The following CHD9 variants were observed in gnomAD, a reference collection of about 807,000 sequenced individuals.
The protein encoded by CHD9 is ATP-dependent chromatin remodeler CHD9.
In CHD9, 77 loss-of-function variants were observed where a neutral mutation model predicts 316.1. The observed-to-expected ratio is 0.24, with a 90% CI of 0.20 to 0.29. CHD9 has a LOEUF of 0.29. CHD9 is among the 10% of genes least tolerant of loss of function. The probability of loss-of-function intolerance (pLI) is 1.00; values close to 1 mark genes in which losing one functional copy is unlikely to be tolerated. For missense variants in CHD9, 2,763 were observed against 3,438.1 expected (o/e 0.80, Z 4.91); for synonymous variants, 1,129 against 1,158.3 (o/e 0.97, Z 0.51).
At chr16:53,099,191 C>CT (rs1281946054) in intron 1 of CHD9, 1 of 152,344 alleles carries the variant, frequency 6.6e-6, no homozygotes, top group African/African-American at 2.4e-5. Context: ...GACAGAGCAG[C>CT]TGCTGTTCCA....
chr16:53,198,315 A>ATTTTTT (rs34946383), intron 2 of CHD9, among the ~76,000 whole-genome samples: 5 of 125,232 alleles, frequency 4.0e-5, no homozygotes, highest in East Asian at 2.4e-4. Flanking sequence ...TAAGCATTCA[A>ATTTTTT]TTTTTTTTTT....
chr16:53,237,837 C>CTG (rs10660103), intron 11 of CHD9, among the ~76,000 whole-genome samples: 45,224 of 151,574 alleles, frequency 0.3, 6,928 homozygotes, highest in African/African-American at 0.35. Flanking sequence ...GCCTGAGTAT[C>CTG]TTTTTTTTCA....
At chr16:53,086,694 C>A (rs2035492425) in intron 1 of CHD9, among the ~76,000 whole-genome samples, 1 of 152,130 alleles carries the variant, frequency 6.6e-6, no homozygotes. Context: ...TTTTATTATT[C>A]ATTATCCTTT....
chr16:53,322,586 C>G (rs1056317137), intron 38 of CHD9, among the ~76,000 whole-genome samples: 17 of 150,154 alleles, frequency 1.1e-4, no homozygotes, highest in African/African-American at 3.4e-4. Flanking sequence ...AGGCAAGACT[C>G]CATCTCAAAA....
At position 53,326,644 on chromosome 16, in the gene CHD9, CAGG is replaced by C. The variant is rs2057552196; in HGVS notation, c.*1752_*1754del. ...AGCAATAGTCTCTATAATGCCCATC[CAGG>C]AGAAGTGGGTAGTAATTCTTCATCA... On this transcript the variant is annotated 3_prime_UTR_variant, in exon 39 of 39. Transcript: ENST00000447540. 1.3e-5 allele frequency: 2 copies of C among 152,374 alleles called. No homozygotes were observed. The highest frequency in any genetic ancestry group is 2.9e-5 in the Non-Finnish European group (2 of 67,896). 9.4% of individuals were successfully genotyped at this position (152,374 alleles called of 1,614,324 possible).
At chr16:53,074,957 G>T (rs1021401826) in intron 1 of CHD9, among the ~76,000 whole-genome samples, 1 of 152,186 alleles carries the variant, frequency 6.6e-6, no homozygotes, top group African/African-American at 2.4e-5. Flanking sequence ...CTTGCATCGT[G>T]TGCCTGGAAA....
Position 53,326,246 on chromosome 16 carries a change from A to G in CHD9, c.*1351A>G, listed in dbSNP as rs1184222397. 6.6e-6 allele frequency: 1 copy of G among 152,502 alleles called. No individual in the cohort carries two copies. Among genetic ancestry groups the G allele is most frequent in the Non-Finnish European group, 1.5e-5 (1 of 67,928 alleles). 9.4% of individuals were successfully genotyped at this position (152,502 alleles called of 1,614,324 possible). A position where few individuals can be genotyped will look rare whatever the true frequency, so the allele number is the denominator to read the frequency against. On this transcript the variant is annotated 3_prime_UTR_variant, in exon 39 of 39. Transcript: ENST00000447540. The stretch of plus-strand genomic sequence containing the variant: ...TTTATATATATTTAAAACAATTAGT[A>G]CTGAATTGGACATAAAAATATTGAC...
chr16:53,193,217 G>A (rs1350783330), intron 2 of CHD9, among the ~76,000 whole-genome samples: 3 of 152,048 alleles, frequency 2.0e-5, no homozygotes, highest in Non-Finnish European at 2.9e-5. Context: ...GGGAGGCCGA[G>A]GCAGGTGGAT....
At chr16:53,305,863 G>GTATCCTCATCAGGTATTTATAGTT (rs2055918147) in intron 31 of CHD9, among the ~76,000 whole-genome samples, 1 of 152,108 alleles carries the variant, frequency 6.6e-6, no homozygotes, top group Non-Finnish European at 1.5e-5. Context: ...GAGAATTATG[G>GTATCCTCATCAGGTATTTATAGTT]TATCCTCATC....
At chr16:53,247,542 T>C in intron 16 of CHD9, 39 bp downstream of exon 16, 1 of 1,370,522 alleles carries the variant, frequency 7.3e-7, no homozygotes, top group Non-Finnish European at 1.0e-6. Context: ...ATGCTAAGTA[T>C]ATGCTATTAA....
At chr16:53,146,365 G>T (rs1415248142) in intron 1 of CHD9, among the ~76,000 whole-genome samples, 1 of 115,602 alleles carries the variant, frequency 8.7e-6, no homozygotes, top group Non-Finnish European at 1.8e-5. Context: ...TGCACTCCAG[G>T]CTGGGTGACA....
At chr16:53,294,087 A>T (rs1434882584) in intron 29 of CHD9, among the ~76,000 whole-genome samples, 1 of 152,268 alleles carries the variant, frequency 6.6e-6, no homozygotes, top group African/African-American at 2.4e-5. Flanking sequence ...TTCAGAAGAC[A>T]AATCCTTGGA....
chr16:53,228,589 G>A (rs535377544), intron 7 of CHD9, among the ~76,000 whole-genome samples: 53 of 138,190 alleles, frequency 3.8e-4, no homozygotes, highest in Admixed American at 9.4e-4. Context: ...CGCCCAGGCC[G>A]GACTGCGGAC....
At chr16:53,222,925 A>T (rs574032549) in intron 4 of CHD9, among the ~76,000 whole-genome samples, 170 bp downstream of exon 4, 1 of 152,208 alleles carries the variant, frequency 6.6e-6, no homozygotes. Context: ...TTACCATAGA[A>T]TATTAGATGT....
chr16:53,245,491 C>T lies in CHD9; in HGVS notation c.3198+12C>T, dbSNP rs1162244112. On this transcript the variant is annotated intron_variant, in intron 14 of 38. Transcript: ENST00000447540. The surrounding 1 kb of genome is among the most constrained non-coding windows in gnomAD (Gnocchi z 4.1). Reference sequence around the variant, plus strand: ...AAACAGAGGAACAGGTATCCTATTGCTCTTTGTAAATACATTCATCGCATT... The same window carrying T: ...AAACAGAGGAACAGGTATCCTATTGTTCTTTGTAAATACATTCATCGCATT... 5.1e-6 allele frequency: 8 copies of T among 1,570,772 alleles called. No homozygotes were observed. Among genetic ancestry groups the T allele is most frequent in the Non-Finnish European group, 6.9e-6 (8 of 1,164,056 alleles).
intron 1 of CHD9, among the ~76,000 whole-genome samples, chr16:53,090,695 C>T (rs1274562286): frequency 6.6e-6 from 1 of 152,162 alleles, no homozygotes; most frequent in African/African-American, 2.4e-5. Flanking sequence ...TCTTTCTCTC[C>T]AGCTGTAAAA....
At chr16:53,180,754 G>A (rs2152805234) in intron 2 of CHD9, among the ~76,000 whole-genome samples, 1 of 151,934 alleles carries the variant, frequency 6.6e-6, no homozygotes, top group Admixed American at 6.5e-5. Context: ...CCCACTGCAA[G>A]CTCTGCCTCC....
intron 1 of CHD9, among the ~76,000 whole-genome samples, chr16:53,113,803 G>A (rs550023097): frequency 7.8e-4 from 118 of 151,988 alleles, no homozygotes; most frequent in African/African-American, 2.6e-3. Context: ...ACTCCTAGGC[G>A]TAAGCGATTC....
rs768460190 is a variant in CHD9, at chr16:53,229,002, T to C, written c.2188T>C (p.Trp730Arg). The C allele has an allele frequency of 6.4e-7, 1 of 1,569,680 alleles. No homozygotes were observed. The highest frequency in any genetic ancestry group is 1.2e-5 in the South Asian group (1 of 81,662). Residue 730 changes from tryptophan (W) to arginine (R), a missense_variant, in exon 8 of 39, where the codon TGG (tryptophan) becomes CGG (arginine). Physicochemically the swap from Trp to Arg is moderately radical, Grantham distance 101. Transcript: ENST00000447540. ...TTTTAGCTCCTATCTTCACTGTGAG[T>C]GGGCCACAGAAGAGCAGCTTTTGAA... ...YKNYSYLHCE[W>R]ATEEQLLKDK...
Sources: allele counts gnomAD v4.1 joint callset (sites outside exome capture counted in the v4.1 genomes callset), GRCh38; gene constraint gnomAD v4.1.1; non-coding constraint Gnocchi (gnomAD v3.1); transcripts MANE v1.5; gene names NCBI Gene and HGNC (gene_info 2026-07-23, HGNC 2026-07-21).